The following CIT variants were observed in gnomAD, a reference collection of about 807,000 sequenced individuals.
CIT encodes the protein citron Rho-interacting kinase.
A neutral mutation model predicts 272.7 loss-of-function variants in CIT; 79 were observed. The observed-to-expected ratio is 0.29, with a 90% CI of 0.24 to 0.35. CIT has a LOEUF of 0.35. CIT is among the 10% of genes least tolerant of loss of function. The pLI, the probability that CIT is intolerant of heterozygous loss-of-function variation, is 1.00. For synonymous variants in CIT, 948 were observed against 995.6 expected (o/e 0.95, Z 0.90); for missense variants, 1,909 against 2,618.3 (o/e 0.73, Z 5.91).
At chr12:119,831,793 C>G (rs1968655269) in intron 7 of CIT, among the ~76,000 whole-genome samples, 1 of 152,052 alleles carries the variant, frequency 6.6e-6, no homozygotes, top group East Asian at 1.9e-4. Context: ...GGCGTGAACC[C>G]AGGGGGGCGG....
chr12:119,869,916 C>A (rs1267107302), intron 2 of CIT, among the ~76,000 whole-genome samples: 3 of 152,166 alleles, frequency 2.0e-5, no homozygotes, highest in Non-Finnish European at 4.4e-5. Context: ...TGCTGCCCCT[C>A]CCGGTAGCAG....
At position 119,713,828 on chromosome 12, in the gene CIT, A is replaced by C; in HGVS notation, c.4307-180T>G. On this transcript the variant is annotated intron_variant, in intron 33 of 47. Coordinates refer to ENST00000392521, the MANE Select transcript of CIT (RefSeq NM_001206999.2). The surrounding 1 kb of genome is among the most constrained non-coding windows in gnomAD (Gnocchi z 5.2). ...AGGCCCCTGCAGAAAGGGAAAACAA[A>C]AGTGCCAAGTGCTCTTGACCCAGTT... The C allele has an allele frequency of 1.5e-6, 1 of 657,602 alleles. No individual in the cohort carries two copies. The highest frequency in any genetic ancestry group is 2.6e-6 in the Non-Finnish European group (1 of 384,560). The allele number at this position is 657,602 out of a possible 1,614,324, so 40.7% of individuals were successfully genotyped here.
At chr12:119,817,515 A>C (rs1967303054) in intron 9 of CIT, among the ~76,000 whole-genome samples, 2 of 151,948 alleles carry the variant, frequency 1.3e-5, no homozygotes, top group Admixed American at 6.6e-5. Context: ...CCATCTCAAA[A>C]AAAAATCAAG....
At chr12:119,716,345 T>C (rs1255688443) in intron 32 of CIT, among the ~76,000 whole-genome samples, 8 of 113,186 alleles carry the variant, frequency 7.1e-5, no homozygotes. Flanking sequence ...ACCACTGCTC[T>C]CCAAGCCTGG....
At chr12:119,813,084 C>A (rs1406249457) in intron 9 of CIT, among the ~76,000 whole-genome samples, 1 of 152,230 alleles carries the variant, frequency 6.6e-6, no homozygotes. Context: ...GGCCACCATT[C>A]TTCTCTGTTG....
At chr12:119,873,573 C>A (rs1290199770) in intron 2 of CIT, among the ~76,000 whole-genome samples, 1 of 152,130 alleles carries the variant, frequency 6.6e-6, no homozygotes, top group Non-Finnish European at 1.5e-5. Flanking sequence ...AGCCACCACG[C>A]CCAGCAAGTT....
intron 2 of CIT, among the ~76,000 whole-genome samples, chr12:119,871,698 C>CA (rs984854898): frequency 3.3e-5 from 5 of 151,256 alleles, no homozygotes; most frequent in Non-Finnish European, 5.9e-5. Flanking sequence ...TACAAACAAA[C>CA]AAAAAAAAAT....
chr12:119,833,915 T>C (rs976959136), intron 6 of CIT, among the ~76,000 whole-genome samples, 171 bp downstream of exon 6: 1 of 152,214 alleles, frequency 6.6e-6, no homozygotes, highest in African/African-American at 2.4e-5. Context: ...CAAGCTGAAA[T>C]GTCCTCCATC....
intron 5 of CIT, among the ~76,000 whole-genome samples, chr12:119,837,978 A>T (rs1294665089): frequency 6.6e-6 from 1 of 152,230 alleles, no homozygotes; most frequent in Non-Finnish European, 1.5e-5. Flanking sequence ...CGTGCCAGCC[A>T]CTATTCTAGA....
At position 119,718,580 on chromosome 12, in the gene CIT, C is replaced by T; in HGVS notation, c.4003+119G>A. On this transcript the variant is annotated intron_variant, in intron 31 of 47. Coordinates refer to ENST00000392521, the MANE Select transcript of CIT (RefSeq NM_001206999.2). This position sits in a 1 kb window ranked among gnomAD's most constrained non-coding sequence, Gnocchi z 4.8. ...GTTTTTCAGACATGGGATGTCTGGT[C>T]TGAAAGCGTATGGGCCATAAACGAA... is the stretch of plus-strand genomic sequence containing the variant. 7.0e-7 allele frequency: 1 copy of T among 1,438,706 alleles called. No individual in the cohort carries two copies. The highest frequency in any genetic ancestry group is 9.5e-7 in the Non-Finnish European group (1 of 1,050,552). The allele number at this position is 1,438,706 out of a possible 1,614,324, so 89.1% of individuals were successfully genotyped here.
intron 22 of CIT, among the ~76,000 whole-genome samples, chr12:119,753,320 C>T (rs1292691706): frequency 6.6e-6 from 1 of 152,136 alleles, no homozygotes; most frequent in African/African-American, 2.4e-5. Context: ...AAGGTGGCAC[C>T]CACATCCCGA....
intron 3 of CIT, among the ~76,000 whole-genome samples, chr12:119,868,762 T>A (rs918422415): frequency 1.3e-5 from 2 of 152,222 alleles, no homozygotes; most frequent in Non-Finnish European, 2.9e-5. Flanking sequence ...GGTCTTGAAC[T>A]CCTGGGCTCA....
intron 10 of CIT, among the ~76,000 whole-genome samples, chr12:119,786,903 C>T (rs1021684024): frequency 1.3e-5 from 2 of 152,210 alleles, no homozygotes; most frequent in Admixed American, 6.5e-5. Flanking sequence ...AGAAGGATCA[C>T]TTGAGGCCAG....
intron 2 of CIT, among the ~76,000 whole-genome samples, 170 bp downstream of exon 2, chr12:119,875,903 G>A (rs775162975): frequency 3.9e-5 from 6 of 152,120 alleles, no homozygotes; most frequent in Admixed American, 1.3e-4. Flanking sequence ...CAGGAGAATC[G>A]CTTGAACCCA....
chr12:119,772,974 G>A (rs1257900734), intron 16 of CIT, 64 bp from the exon 17 acceptor site: 2 of 1,309,212 alleles, frequency 1.5e-6, no homozygotes, highest in Non-Finnish European at 2.1e-6. Flanking sequence ...GATGGTGACA[G>A]TATGTTCTGC....
intron 10 of CIT, among the ~76,000 whole-genome samples, chr12:119,793,537 A>G (rs1965491989): frequency 6.6e-6 from 1 of 152,242 alleles, no homozygotes; most frequent in Admixed American, 6.5e-5. Context: ...AATTTAGAGC[A>G]AAGTCCATAC....
chr12:119,763,694 CA>C (rs1016923203), intron 19 of CIT, among the ~76,000 whole-genome samples: 4 of 152,060 alleles, frequency 2.6e-5, no homozygotes, highest in Admixed American at 2.6e-4. Flanking sequence ...AAGATCATCA[CA>C]AAAATTGAAA....
At chr12:119,809,173 G>A (rs58257623) in intron 9 of CIT, among the ~76,000 whole-genome samples, 2,733 of 152,272 alleles carry the variant, frequency 0.018, 78 homozygotes, top group African/African-American at 0.061. Context: ...GAATAATGAG[G>A]CAGGGAAGAA....
At position 119,748,186 on chromosome 12, in the gene CIT, T is replaced by C. The variant is rs540832505; in HGVS notation, c.2904+3864A>G. On this transcript the variant is annotated intron_variant, in intron 23 of 47. Coordinates refer to ENST00000392521, the MANE Select transcript of CIT (RefSeq NM_001206999.2). ...TCTCAAAAAAAAGGAAAAAAAACCATCTGATCTTGGGAAACCCAGGAGTCC... is the reference window on the plus strand; with the variant it reads ...TCTCAAAAAAAAGGAAAAAAAACCACCTGATCTTGGGAAACCCAGGAGTCC... Among the ~76,000 whole-genome samples the C allele has an allele frequency of 1.6e-4, 25 of 151,972 alleles. No homozygotes were observed. In the East Asian group the frequency reaches 3.7e-3, roughly 22 times the overall value.
Sources: gnomAD v4.1 joint callset for allele counts (sites outside exome capture counted in the v4.1 genomes callset) on GRCh38, gnomAD v4.1.1 for gene constraint, Gnocchi (gnomAD v3.1) non-coding constraint, MANE v1.5 for transcripts, NCBI Gene and HGNC (gene_info 2026-07-23, HGNC 2026-07-21) for gene names.